P2RX7: variants seen among roughly 807,000 people sequenced by gnomAD.
P2RX7 encodes P2X purinoceptor 7.
P2RX7 carries 62 observed loss-of-function variants against 71.6 expected under a neutral mutation model. The observed-to-expected ratio is 0.87, with a 90% confidence interval of 0.71 to 1.07. P2RX7 has a LOEUF of 1.07. Ranked by LOEUF, P2RX7 falls within the 50% of genes least tolerant of loss-of-function variation. The probability of loss-of-function intolerance (pLI) is 0.00; values close to 1 mark genes in which losing one functional copy is unlikely to be tolerated. For synonymous variants in P2RX7, 299 were observed against 283.3 expected (o/e 1.06, Z -0.56); for missense variants, 686 against 748.5 (o/e 0.92, Z 0.97).
intron 8 of P2RX7, among the ~76,000 whole-genome samples, chr12:121,171,862 CTTTTT>C (rs779128209): frequency 7.6e-6 from 1 of 131,140 alleles, no homozygotes; most frequent in Non-Finnish European, 1.6e-5. Context: ...TTCTTTCTTT[CTTTTT>C]TTTTTTTTTT....
At chr12:121,170,601 C>A (rs942356903) in intron 8 of P2RX7, among the ~76,000 whole-genome samples, 4 of 152,070 alleles carry the variant, frequency 2.6e-5, no homozygotes, top group African/African-American at 9.7e-5. Flanking sequence ...ATGGTGAAAC[C>A]CTGTCTCTCC....
intron 1 of P2RX7, among the ~76,000 whole-genome samples, chr12:121,141,210 A>C (rs1000354182): frequency 3.3e-5 from 5 of 152,226 alleles, no homozygotes; most frequent in Non-Finnish European, 4.4e-5. Context: ...GAAACATATC[A>C]TGTCAAAAGA....
intron 9 of P2RX7, among the ~76,000 whole-genome samples, chr12:121,176,228 A>AACAC (rs56222751): frequency 0.07 from 9,787 of 140,744 alleles, 446 homozygotes; most frequent in Non-Finnish European, 0.092. Context: ...CAGCCCCTTC[A>AACAC]ACACACACAC....
At position 121,187,906 on chromosome 12, in the gene P2RX7, T is replaced by A. The variant is rs538654099; in HGVS notation, c.*3104T>A. 6.6e-6 allele frequency: 1 copy of A among 152,186 alleles called. No homozygotes were observed. The highest frequency in any genetic ancestry group is 6.5e-5 in the Admixed American group (1 of 15,274). 9.4% of individuals were successfully genotyped at this position (152,186 alleles called of 1,614,324 possible). A position where few individuals can be genotyped will look rare whatever the true frequency, so the allele number is the denominator to read the frequency against. On this transcript the variant is annotated 3_prime_UTR_variant, in exon 13 of 13. Coordinates refer to ENST00000328963, the MANE Select transcript of P2RX7 (RefSeq NM_002562.6). ...TTCTCTTGGCTGATTTCACATAGCA[T>A]TGGTAATAGACATGCATTTCTCTTT...
rs1236317177 is a variant in P2RX7, at chr12:121,184,648, T to G, written c.1634T>G (p.Leu545Arg). 2 of 1,600,402 alleles carry G rather than the reference T, an allele frequency of 1.2e-6. No individual in the cohort carries two copies. The highest frequency in any genetic ancestry group is 4.6e-5 in the East Asian group (2 of 43,928). Residue 545 changes from leucine to arginine, a missense_variant, in exon 13 of 13, where the codon CTG becomes CGG. By Grantham distance (102) the Leu-to-Arg change is moderately radical (BLOSUM62 -2). Coordinates refer to ENST00000328963, the MANE Select transcript of P2RX7 (RefSeq NM_002562.6). ...ALDVDSTNSR[L>R]RHCAYRCYAT... is the part of the protein sequence containing the mutation. ...GATGTGGATTCCACCAACAGCCGGCTGCGGCACTGTGCCTACAGGTGCTAC... is the reference window on the plus strand; with the variant it reads ...GATGTGGATTCCACCAACAGCCGGCGGCGGCACTGTGCCTACAGGTGCTAC...
In P2RX7 at chr12:121,184,462, T is replaced by C. The variant is rs1884644521; in HGVS notation, c.1448T>C (p.Leu483Pro). 1 of 1,613,994 alleles carries C rather than the reference T, an allele frequency of 6.2e-7. No individual in the cohort carries two copies. The highest frequency in any genetic ancestry group is 1.3e-5 in the African/African-American group (1 of 74,896). ...GTCTGGTGCCAGTGTGGAAGCTGCC[T>C]CCCATCTCAACTCCCTGAGAGCCAC... ...SPVWCQCGSC[L>P]PSQLPESHRC... Residue 483 changes from leucine to proline, a missense_variant, in exon 13 of 13, where the codon CTC (leucine) becomes CCC (proline). By Grantham distance (98) the Leu-to-Pro change is moderately conservative. Transcript: ENST00000328963.
Position 121,136,023 on chromosome 12 carries a change from A to AAAAAAAAAAAAAAAAAAAAAATATATAT in P2RX7, c.125+2929_125+2930insAAAAAAAAAAAAAAAAAAAATATATATA. 2.0e-4 allele frequency among the ~76,000 whole-genome samples: 3 copies of AAAAAAAAAAAAAAAAAAAAAATATATAT among 15,256 alleles called. 1 individual carries two copies. Among genetic ancestry groups the AAAAAAAAAAAAAAAAAAAAAATATATAT allele is most frequent in the Non-Finnish European group, 5.5e-4 (3 of 5,448 alleles). 10.0% of individuals were successfully genotyped at this position (15,256 alleles called of 152,430 possible). ...TGTCTCAAAAAAAAAAAAAAAAAAA[A>AAAAAAAAAAAAAAAAAAAAAATATATAT]ATATATATATATATATATAGTATTT... On this transcript the variant is annotated intron_variant, in intron 1 of 12. Transcript: ENST00000328963.
chr12:121,153,254 T>C (rs1877838260), intron 1 of P2RX7, among the ~76,000 whole-genome samples: 1 of 152,250 alleles, frequency 6.6e-6, no homozygotes, highest in Admixed American at 6.5e-5. Context: ...TGGCCCACTC[T>C]GTCTCAGCTT....
At chr12:121,176,480 C>T (rs1261483238) in intron 9 of P2RX7, among the ~76,000 whole-genome samples, 2 of 152,162 alleles carry the variant, frequency 1.3e-5, no homozygotes, top group South Asian at 2.1e-4. Context: ...GGGCCGGGCA[C>T]GGTGGCTCAT....
rs746636395 is a variant in P2RX7 at position 121,154,803 on chromosome 12, C to T, written c.144C>T (p.Asp48=). ...CATTTAGCTTTGCTCTGGTGAGTGACAAGCTGTACCAGCGGAAAGAGCCTG... is the reference window on the plus strand; with the variant it reads ...CATTTAGCTTTGCTCTGGTGAGTGATAAGCTGTACCAGCGGAAAGAGCCTG... ...FSYVCFALVS[D]KLYQRKEPVI... Residue 48 remains aspartate (D), a synonymous_variant, in exon 2 of 13, where the codon GAC becomes GAT. Coordinates refer to ENST00000328963, the MANE Select transcript of P2RX7 (RefSeq NM_002562.6). The surrounding 1 kb of genome is among the most constrained non-coding windows in gnomAD (Gnocchi z 4.2). 6.2e-7 allele frequency: 1 copy of T among 1,613,322 alleles called. No individual in the cohort carries two copies. Among genetic ancestry groups the T allele is most frequent in the South Asian group, 1.1e-5 (1 of 91,072 alleles).
intron 11 of P2RX7, among the ~76,000 whole-genome samples, chr12:121,178,791 C>CAAA (rs386377968): frequency 0.19 from 12,232 of 66,054 alleles, 1,244 homozygotes; most frequent in Non-Finnish European, 0.27. Flanking sequence ...AACTCTGTCT[C>CAAA]AAAAAAAAAA....
intron 1 of P2RX7, among the ~76,000 whole-genome samples, chr12:121,137,553 T>G (rs940780571): frequency 4.6e-5 from 7 of 152,252 alleles, no homozygotes; most frequent in African/African-American, 1.7e-4. Context: ...AAGAAAAAAC[T>G]ATCACCAGCT....
At chr12:121,137,715 G>C (rs556101596) in intron 1 of P2RX7, among the ~76,000 whole-genome samples, 1 of 152,206 alleles carries the variant, frequency 6.6e-6, no homozygotes, top group Non-Finnish European at 1.5e-5. Context: ...TCTGTGAAAT[G>C]GGTAGACCCA....
chr12:121,165,506 A>G, intron 6 of P2RX7, 69 bp downstream of exon 6: 2 of 1,283,002 alleles, frequency 1.6e-6, no homozygotes, highest in Non-Finnish European at 2.3e-6. Flanking sequence ...CAAACCTCAG[A>G]AGCCTGAAAC....
At chr12:121,177,867 C>T (rs1883429223) in intron 11 of P2RX7, among the ~76,000 whole-genome samples, 1 of 151,906 alleles carries the variant, frequency 6.6e-6, no homozygotes, top group South Asian at 2.1e-4. Context: ...TACAGGGGCA[C>T]ACCACCACAC....
Position 121,162,519 on chromosome 12 carries a change from C to G in P2RX7, c.532C>G (p.Arg178Gly), listed in dbSNP as rs199996415. 1 of 1,612,188 alleles carries G rather than the reference C, an allele frequency of 6.2e-7. No individual in the cohort carries two copies. The highest frequency in any genetic ancestry group is 1.3e-5 in the African/African-American group (1 of 74,916). ...CATCGAGGCAGTGGAAGAGGCCCCC[C>G]GGTGAGTCGCATGGGGAGACAGACA... is the stretch of plus-strand genomic sequence containing the variant. Reference protein sequence around the residue: ...CPIEAVEEAPRPALLNSAENF... With the variant: ...CPIEAVEEAPGPALLNSAENF... The change falls in exon 5 of 13, where the codon CGG becomes GGG. Residue 178 changes from arginine (R) to glycine (G), a missense_variant and splice_region_variant. Transcript: ENST00000328963.
At chr12:121,137,782 A>G (rs893320384) in intron 1 of P2RX7, among the ~76,000 whole-genome samples, 1 of 152,230 alleles carries the variant, frequency 6.6e-6, no homozygotes, top group Admixed American at 6.5e-5. Flanking sequence ...TGTGGACCAC[A>G]GGTGGAAATC....
chr12:121,170,793 TA>T (rs1882032072), intron 8 of P2RX7, among the ~76,000 whole-genome samples: 1 of 151,966 alleles, frequency 6.6e-6, no homozygotes, highest in African/African-American at 2.4e-5. Flanking sequence ...CTTAAATAAA[TA>T]AATAAATTGT....
intron 8 of P2RX7, among the ~76,000 whole-genome samples, chr12:121,170,450 A>C (rs1337384541): frequency 1.3e-5 from 2 of 152,190 alleles, no homozygotes; most frequent in African/African-American, 4.8e-5. Context: ...GTTGTCTGGA[A>C]TGAGCACCAG....
Sources: gnomAD v4.1 joint callset for allele counts (sites outside exome capture counted in the v4.1 genomes callset) on GRCh38, gnomAD v4.1.1 for gene constraint, Gnocchi (gnomAD v3.1) non-coding constraint, MANE v1.5 for transcripts, NCBI Gene and HGNC (gene_info 2026-07-23, HGNC 2026-07-21) for gene names.